MYH13: variants seen among roughly 807,000 people sequenced by gnomAD.
The protein encoded by MYH13 is myosin heavy chain 13, also known as myosin-13.
In MYH13, 177 loss-of-function variants were observed where a neutral mutation model predicts 232.1. The ratio of observed to expected loss-of-function variants is 0.76; its 90% CI spans 0.67 to 0.86. MYH13 has a LOEUF of 0.86. Ranked by LOEUF, MYH13 falls within the 40% of genes least tolerant of loss-of-function variation. The pLI, the probability that MYH13 is intolerant of heterozygous loss-of-function variation, is 0.00. For synonymous variants in MYH13, 884 were observed against 923.5 expected (o/e 0.96, Z 0.78); for missense variants, 2,246 against 2,405.9 (o/e 0.93, Z 1.39).
chr17:10,324,206 A>G lies in MYH13; in HGVS notation c.2750T>C (p.Ile917Thr), dbSNP rs1254861122. Residue 917 changes from isoleucine to threonine, a missense_variant, in exon 23 of 41, where the codon ATC (isoleucine) becomes ACC (threonine). Transcript: ENST00000252172. ...CTCCTTGACTTTTGCTTCCAGTAGGATCTTGCTTTTGATGAGTCCTTCACA... is the reference window on the plus strand; with the variant it reads ...CTCCTTGACTTTTGCTTCCAGTAGGGTCTTGCTTTTGATGAGTCCTTCACA... ...ERCEGLIKSKILLEAKVKELT... is the reference protein window; with the variant it reads ...ERCEGLIKSKTLLEAKVKELT... The G allele has an allele frequency of 3.7e-6, 6 of 1,613,478 alleles. No individual in the cohort carries two copies. Among genetic ancestry groups the G allele is most frequent in the Non-Finnish European group, 5.1e-6 (6 of 1,179,830 alleles).
At chr17:10,317,120 C>T (rs1161966355) in intron 27 of MYH13, among the ~76,000 whole-genome samples, 1 of 152,126 alleles carries the variant, frequency 6.6e-6, no homozygotes. Context: ...CAGCACACGG[C>T]AATTCTGGAG....
chr17:10,367,741 T>C (rs1055316623), intron 2 of MYH13, among the ~76,000 whole-genome samples: 3 of 152,240 alleles, frequency 2.0e-5, no homozygotes, highest in Non-Finnish European at 4.4e-5. Context: ...ATCTCTTTAA[T>C]GTCTCCTTAA....
chr17:10,332,749 G>A (rs912870436), intron 19 of MYH13, among the ~76,000 whole-genome samples: 4 of 152,156 alleles, frequency 2.6e-5, no homozygotes, highest in African/African-American at 9.7e-5. Flanking sequence ...CTTGAGTAGA[G>A]GGCAGGGTTA....
chr17:10,330,591 G>T, intron 20 of MYH13, 68 bp from the exon 21 acceptor site: 1 of 1,537,308 alleles, frequency 6.5e-7, no homozygotes. Flanking sequence ...CCTTGAGGGG[G>T]CCTGTTTCTG....
At chr17:10,354,075 C>G (rs539934953) in intron 11 of MYH13, among the ~76,000 whole-genome samples, 1 of 152,258 alleles carries the variant, frequency 6.6e-6, no homozygotes, top group Non-Finnish European at 1.5e-5. Flanking sequence ...AATTTTGAGA[C>G]TATAATGAGA....
intron 16 of MYH13, among the ~76,000 whole-genome samples, chr17:10,343,218 AAT>A (rs747917871): frequency 6.8e-6 from 1 of 146,268 alleles, no homozygotes; most frequent in Non-Finnish European, 1.5e-5. Context: ...TTTTTTTTTT[AAT>A]AGAGTCTCAC....
chr17:10,309,231 C>G lies in MYH13; in HGVS notation c.5169+3G>C. ...TTCAGCGGAGGAGTGAGGGCCGACG[C>G]ACCTGGGAGTGCAGGAGCTGCACGC... On this transcript the variant is annotated splice_donor_region_variant and intron_variant, in intron 35 of 40. Transcript: ENST00000252172. 6.2e-7 allele frequency: 1 copy of G among 1,612,628 alleles called. No homozygotes were observed. The highest frequency in any genetic ancestry group is 8.5e-7 in the Non-Finnish European group (1 of 1,179,594).
At chr17:10,328,771 A>C (rs1907313001) in intron 21 of MYH13, among the ~76,000 whole-genome samples, 1 of 149,386 alleles carries the variant, frequency 6.7e-6, no homozygotes, top group African/African-American at 2.5e-5. Flanking sequence ...TCCGCCTCCT[A>C]GGTTCAAGCA....
At chr17:10,363,928 T>C (rs1393680006) in intron 3 of MYH13, among the ~76,000 whole-genome samples, 1 of 152,176 alleles carries the variant, frequency 6.6e-6, no homozygotes, top group Non-Finnish European at 1.5e-5. Context: ...GTCCGGTAAG[T>C]ACTGAATGGT....
At chr17:10,340,061 T>C in intron 18 of MYH13, 89 bp downstream of exon 18, 1 of 1,148,988 alleles carries the variant, frequency 8.7e-7, no homozygotes, top group Non-Finnish European at 1.3e-6. Flanking sequence ...AGACCATCAC[T>C]CTTTCCAAAC....
chr17:10,346,529 T>C (rs552960806), intron 13 of MYH13, 151 bp downstream of exon 13: 2 of 622,156 alleles, frequency 3.2e-6, no homozygotes, highest in East Asian at 5.8e-5. Flanking sequence ...TTGCATTCCT[T>C]CAGTTGCCTC....
intron 11 of MYH13, 122 bp downstream of exon 11, chr17:10,354,558 A>G: frequency 1.1e-6 from 1 of 879,800 alleles, no homozygotes; most frequent in East Asian, 2.6e-5. Context: ...GATCTCTGAG[A>G]TCTTGAGTCT....
At chr17:10,315,486 G>A (rs1043614247) in intron 29 of MYH13, among the ~76,000 whole-genome samples, 1 of 152,080 alleles carries the variant, frequency 6.6e-6, no homozygotes, top group Admixed American at 6.6e-5. Flanking sequence ...AGTGGAGACG[G>A]GGTTTCGCCA....
At chr17:10,313,450 C>G (rs546618771) in intron 29 of MYH13, 96 bp from the exon 30 acceptor site, 2 of 1,566,358 alleles carry the variant, frequency 1.3e-6, no homozygotes, top group African/African-American at 2.7e-5. Flanking sequence ...CTTGAATTAT[C>G]CCTATGCTGT....
chr17:10,353,844 G>T (rs879776815), intron 11 of MYH13, among the ~76,000 whole-genome samples: 14 of 151,712 alleles, frequency 9.2e-5, no homozygotes, highest in Admixed American at 6.6e-4. Context: ...TTGCACTCCA[G>T]CCTGGGCGAC....
intron 21 of MYH13, among the ~76,000 whole-genome samples, chr17:10,328,984 C>A (rs574467321): frequency 6.6e-6 from 1 of 152,190 alleles, no homozygotes; most frequent in South Asian, 2.1e-4. Flanking sequence ...AGCCTGTATT[C>A]CTAATTTCTG....
chr17:10,332,364 T>A, intron 19 of MYH13, 142 bp from the exon 20 acceptor site: 1 of 1,125,934 alleles, frequency 8.9e-7, no homozygotes, highest in Non-Finnish European at 1.3e-6. Flanking sequence ...TGGGAATAGC[T>A]AGGGACTGAT....
rs1567661488 is a variant in MYH13, at chr17:10,323,792, AGAAGAAGAAGAAGAAG to A, written c.2934+214_2934+229del. Among the ~76,000 whole-genome samples, 41 of 59,568 alleles carry A rather than the reference AGAAGAAGAAGAAGAAG, an allele frequency of 6.9e-4. 2 individuals are homozygous for A. The East Asian group carries it at 0.012, about 18-fold the overall frequency. The allele number at this position is 59,568 out of a possible 152,430, so 39.1% of individuals were successfully genotyped here. On this transcript the variant is annotated intron_variant, in intron 23 of 40. Transcript: ENST00000252172. ...AAAAAAAAAAAAAAAAAAAAAAAGA[AGAAGAAGAAGAAGAAG>A]AAGAAGAAGAAGAAGAAGAAGAAGA... is the stretch of plus-strand genomic sequence containing the variant.
intron 22 of MYH13, among the ~76,000 whole-genome samples, chr17:10,327,245 C>T (rs2142241545): frequency 6.6e-6 from 1 of 151,556 alleles, no homozygotes; most frequent in East Asian, 2.0e-4. Flanking sequence ...TCGTGATCCT[C>T]CCGCCTCGGC....
Sources: gnomAD v4.1 joint callset for allele counts (sites outside exome capture counted in the v4.1 genomes callset) on GRCh38, gnomAD v4.1.1 for gene constraint, MANE v1.5 for transcripts, NCBI Gene and HGNC (gene_info 2026-07-23, HGNC 2026-07-21) for gene names.